The following PSMA3 variants were observed in gnomAD, a reference collection of about 807,000 sequenced individuals.
PSMA3 encodes the protein proteasome subunit alpha type-3.
Under a neutral mutation model 40.0 loss-of-function variants are expected in PSMA3, and 8 were observed. The ratio of observed to expected loss-of-function variants is 0.20; its 90% CI spans 0.12 to 0.36. The LOEUF (loss-of-function observed/expected upper bound fraction) is 0.36. Among genes scored for constraint, PSMA3 ranks in the 10% least tolerant of loss-of-function variants. PSMA3 has a pLI of 1.00. For missense variants in PSMA3, 219 were observed against 310.6 expected (o/e 0.70, Z 2.22); for synonymous variants, 110 against 100.0 (o/e 1.10, Z -0.59).
At chr14:58,253,546 CAAT>C (rs1170818405) in intron 3 of PSMA3, among the ~76,000 whole-genome samples, 5 of 152,098 alleles carry the variant, frequency 3.3e-5, no homozygotes, top group Non-Finnish European at 7.4e-5. Context: ...TTTATCTCAA[CAAT>C]ATGTTTCTCC....
At chr14:58,271,802 A>G (rs749644921) in intron 10 of PSMA3, 49 bp from the exon 11 acceptor site, 60 of 1,377,994 alleles carry the variant, frequency 4.4e-5, no homozygotes, top group Middle Eastern at 3.9e-4. Context: ...CAGGTGTGGG[A>G]TATAACAATT....
intron 7 of PSMA3, chr14:58,267,150 C>T (rs1890466674): frequency 6.0e-6 from 1 of 167,704 alleles, no homozygotes; most frequent in Admixed American, 6.5e-5. Context: ...CAGGCGCGCA[C>T]CACCTCCATG....
intron 10 of PSMA3, 72 bp from the exon 11 acceptor site, chr14:58,271,779 C>T: frequency 1.8e-6 from 2 of 1,098,434 alleles, no homozygotes; most frequent in Non-Finnish European, 2.8e-6. Context: ...GTTGTTGTAG[C>T]TTAACTTGCC....
At chr14:58,254,456 G>A (rs1205919782) in intron 3 of PSMA3, among the ~76,000 whole-genome samples, 6 of 147,388 alleles carry the variant, frequency 4.1e-5, no homozygotes, top group African/African-American at 1.3e-4. Flanking sequence ...TTCTGCCTCA[G>A]CCTCCCAAAT....
rs1351537116 is a variant in PSMA3 at position 58,245,313 on chromosome 14, C to T, written c.21+372C>T. ...CACCGAGGCAGTGAGATTTGGGATT[C>T]CGGGGTCTGGAGATCGTGCTTTTTG... On this transcript the variant is annotated intron_variant, in intron 1 of 10. Transcript: ENST00000216455. The T allele has an allele frequency of 1.2e-5, 3 of 244,746 alleles. No homozygotes were observed. In the East Asian group the frequency reaches 2.6e-4, roughly 21 times the overall value. The allele number at this position is 244,746 out of a possible 1,614,324, so 15.2% of individuals were successfully genotyped here. A position where few individuals can be genotyped will look rare whatever the true frequency, so the allele number is the denominator to read the frequency against.
chr14:58,264,173 T>C (rs1209034056), intron 7 of PSMA3, among the ~76,000 whole-genome samples: 1 of 152,240 alleles, frequency 6.6e-6, no homozygotes, highest in Non-Finnish European at 1.5e-5. Flanking sequence ...TTTGATATGA[T>C]TTCACAAAAT....
At chr14:58,260,836 T>C in intron 5 of PSMA3, 112 bp from the exon 6 acceptor site, 1 of 658,294 alleles carries the variant, frequency 1.5e-6, no homozygotes, top group Admixed American at 2.8e-5. Context: ...GAGTTATATG[T>C]GTATTAGTAA....
intron 5 of PSMA3, among the ~76,000 whole-genome samples, chr14:58,260,258 G>T (rs749273814): frequency 6.6e-6 from 1 of 152,164 alleles, no homozygotes; most frequent in Non-Finnish European, 1.5e-5. Context: ...GTCATCTCTA[G>T]ATTACTTGCA....
chr14:58,268,796 CATGTT>C (rs1307547638), intron 8 of PSMA3: 2 of 152,126 alleles, frequency 1.3e-5, no homozygotes, highest in Non-Finnish European at 2.9e-5. Flanking sequence ...AATGGAGCAG[CATGTT>C]ATCTTTTACT....
Position 58,270,975 on chromosome 14 carries a change from G to A in PSMA3, c.700G>A (p.Glu234Lys). The A allele has an allele frequency of 6.2e-7, 1 of 1,608,576 alleles. No individual in the cohort carries two copies. The highest frequency in any genetic ancestry group is 8.5e-7 in the Non-Finnish European group (1 of 1,176,772). The change falls in exon 10 of 11, where the codon GAA (glutamate) becomes AAA (lysine). Residue 234 changes from glutamate to lysine, a missense_variant. Glu to Lys is a moderately conservative substitution (Grantham distance 56, BLOSUM62 1). Transcript: ENST00000216455. ...RHEIVPKDIR[E>K]EAEKYAKESL... is the part of the protein sequence containing the mutation. ...TGAAATTGTTCCAAAAGATATAAGA[G>A]AAGAAGCAGAGAAATATGCTAAGGT...
chr14:58,256,711 C>G (rs1315987595), intron 3 of PSMA3, among the ~76,000 whole-genome samples: 1 of 152,032 alleles, frequency 6.6e-6, no homozygotes, highest in Non-Finnish European at 1.5e-5. Context: ...CAGGTCCGGC[C>G]TGAGCATTTC....
At chr14:58,248,875 A>G (rs1889937702) in intron 2 of PSMA3, among the ~76,000 whole-genome samples, 1 of 152,104 alleles carries the variant, frequency 6.6e-6, no homozygotes. Flanking sequence ...AGGCAGGAGA[A>G]TCACTTGAAC....
chr14:58,247,981 T>C, intron 2 of PSMA3, 149 bp downstream of exon 2: 1 of 576,408 alleles, frequency 1.7e-6, no homozygotes, highest in Non-Finnish European at 3.0e-6. Context: ...GGCCAGATGC[T>C]TTCCATGAGC....
rs922991641 is a variant in PSMA3 at position 58,245,336 on chromosome 14, T to C, written c.21+395T>C. ...TTCCGGGGTCTGGAGATCGTGCTTT[T>C]TGTGGACTGCGTTTGCAGTTCCTAG... On this transcript the variant is annotated intron_variant, in intron 1 of 10. Coordinates refer to ENST00000216455, the MANE Select transcript of PSMA3 (RefSeq NM_002788.4). 5.2e-5 allele frequency: 12 copies of C among 231,346 alleles called. 1 individual carries two copies. Among genetic ancestry groups the C allele is most frequent in the South Asian group, 2.4e-4 (4 of 16,654 alleles). 14.3% of individuals were successfully genotyped at this position (231,346 alleles called of 1,614,324 possible).
chr14:58,260,089 ATTTCT>A (rs1187046120), intron 5 of PSMA3, among the ~76,000 whole-genome samples: 1 of 152,180 alleles, frequency 6.6e-6, no homozygotes, highest in African/African-American at 2.4e-5. Context: ...GATGCTGCTG[ATTTCT>A]TTTCTACTCT....
intron 1 of PSMA3, 111 bp downstream of exon 1, chr14:58,245,052 G>A (rs1356978016): frequency 1.4e-6 from 2 of 1,386,758 alleles, no homozygotes; most frequent in African/African-American, 1.4e-5. Context: ...GACCGCCTTC[G>A]GCTGGGTGGG....
chr14:58,246,721 T>C (rs1392124658), intron 1 of PSMA3, among the ~76,000 whole-genome samples: 1 of 152,222 alleles, frequency 6.6e-6, no homozygotes, highest in Non-Finnish European at 1.5e-5. Context: ...TTATTATTTT[T>C]ATATTTTACT....
intron 10 of PSMA3, 78 bp downstream of exon 10, chr14:58,271,076 G>A: frequency 3.0e-6 from 3 of 995,028 alleles, no homozygotes; most frequent in Non-Finnish European, 1.5e-6. Context: ...AGACCAGCCT[G>A]AGCAGCACAG....
intron 6 of PSMA3, among the ~76,000 whole-genome samples, chr14:58,262,292 C>T (rs1015629010): frequency 3.3e-5 from 5 of 152,048 alleles, no homozygotes; most frequent in African/African-American, 4.8e-5. Flanking sequence ...CGCCAAACCT[C>T]CACCTCCCCA....
Sources: allele counts gnomAD v4.1 joint callset (sites outside exome capture counted in the v4.1 genomes callset), GRCh38; gene constraint gnomAD v4.1.1; transcripts MANE v1.5; gene names NCBI Gene and HGNC (gene_info 2026-07-23, HGNC 2026-07-21).